The following TMEM143 variants were observed in gnomAD, a reference collection of about 807,000 sequenced individuals.
TMEM143 encodes the protein transmembrane protein 143.
In TMEM143, 45 loss-of-function variants were observed where a neutral mutation model predicts 40.3. The observed-to-expected ratio is 1.12, with a 90% CI of 0.88 to 1.43. The LOEUF (loss-of-function observed/expected upper bound fraction) is 1.43, where lower values mean the gene tolerates loss of function less well. TMEM143 is among the 40% of genes most tolerant of loss of function. TMEM143 has a pLI of 0.00. For missense variants in TMEM143, 620 were observed against 613.4 expected (o/e 1.01, Z -0.11); for synonymous variants, 299 against 282.7 (o/e 1.06, Z -0.58).
At position 48,333,258 on chromosome 19, in the gene TMEM143, G is replaced by C; in HGVS notation, c.1341C>G (p.Ser447=). The C allele has an allele frequency of 6.6e-7, 1 of 1,516,000 alleles. No homozygotes were observed. The highest frequency in any genetic ancestry group is 1.3e-5 in the South Asian group (1 of 79,578). 93.9% of individuals were successfully genotyped at this position (1,516,000 alleles called of 1,614,324 possible). A position where few individuals can be genotyped will look rare whatever the true frequency, so the allele number is the denominator to read the frequency against. Residue 447 remains serine, a synonymous_variant, in exon 8 of 8, where the codon TCC becomes TCG. Coordinates refer to ENST00000293261, the MANE Select transcript of TMEM143 (RefSeq NM_018273.4). The surrounding 1 kb of genome is among the most constrained non-coding windows in gnomAD (Gnocchi z 4.1). Reference sequence around the variant, plus strand: ...TGCTGGGCGTGGCTTGCGGGGGCTCGGAAGTGATCGGAGCCACTGGGTCTA... The same window carrying C: ...TGCTGGGCGTGGCTTGCGGGGGCTCCGAAGTGATCGGAGCCACTGGGTCTA... The part of the protein sequence containing the change: ...PKLDPVAPIT[S]EPPQATPSSN...
At chr19:48,343,545 T>G (rs1034076134) in intron 4 of TMEM143, 94 bp from the exon 5 acceptor site, 66 of 1,444,906 alleles carry the variant, frequency 4.6e-5, no homozygotes, top group Admixed American at 7.0e-5. Context: ...CCTAAATAAT[T>G]CCCCCGTTTC....
chr19:48,334,264 G>A (rs897051143), intron 6 of TMEM143, 67 bp from the exon 7 acceptor site: 5 of 1,481,148 alleles, frequency 3.4e-6, no homozygotes, highest in Middle Eastern at 2.2e-4. Context: ...CAGCCCCCGG[G>A]GTCACCCCCG....
intron 3 of TMEM143, among the ~76,000 whole-genome samples, chr19:48,357,884 G>A (rs1484921332): frequency 6.6e-6 from 1 of 151,266 alleles, no homozygotes; most frequent in African/African-American, 2.4e-5. Context: ...AAGCTATGAG[G>A]GTGCGAAGAT....
Position 48,333,547 on chromosome 19 carries a change from C to T in TMEM143, c.1166-114G>A. The T allele has an allele frequency of 2.9e-6, 2 of 680,890 alleles. No individual in the cohort carries two copies. Among genetic ancestry groups the T allele is most frequent in the Non-Finnish European group, 4.8e-6 (2 of 413,834 alleles). 42.2% of individuals were successfully genotyped at this position (680,890 alleles called of 1,614,324 possible). A position where few individuals can be genotyped will look rare whatever the true frequency, so the allele number is the denominator to read the frequency against. On this transcript the variant is annotated intron_variant, in intron 7 of 7. Coordinates refer to ENST00000293261, the MANE Select transcript of TMEM143 (RefSeq NM_018273.4). The surrounding 1 kb of genome is among the most constrained non-coding windows in gnomAD (Gnocchi z 4.1). ...AGGAAGGGCCTGGGTTTGGGAGAAGCCTAGGAGTGATCTTGAGGCTTGGAG... is the reference window on the plus strand; with the variant it reads ...AGGAAGGGCCTGGGTTTGGGAGAAGTCTAGGAGTGATCTTGAGGCTTGGAG...
chr19:48,344,908 A>G (rs1969585472), intron 4 of TMEM143, among the ~76,000 whole-genome samples: 1 of 152,172 alleles, frequency 6.6e-6, no homozygotes, highest in African/African-American at 2.4e-5. Flanking sequence ...GGGTTTCACC[A>G]TGTTGGCCAG....
intron 3 of TMEM143, among the ~76,000 whole-genome samples, chr19:48,347,440 C>T (rs901876423): frequency 6.6e-6 from 1 of 152,062 alleles, no homozygotes; most frequent in Non-Finnish European, 1.5e-5. Context: ...AAGGCCGGCA[C>T]AGTGGCTCAC....
chr19:48,349,193 AAAC>A (rs1480698838), intron 3 of TMEM143, among the ~76,000 whole-genome samples: 4 of 151,572 alleles, frequency 2.6e-5, no homozygotes, highest in Non-Finnish European at 5.9e-5. Context: ...CCTGTCTTCA[AAAC>A]AACAACAACG....
chr19:48,363,877 AT>A lies in TMEM143; in HGVS notation c.23+20del, dbSNP rs756518010. ...CAGGGCCGCCCTCCCTGGCCATGCA[AT>A]CCCCCGATTTCTCCCTCACCTTAGC... On this transcript the variant is annotated intron_variant, in intron 1 of 7. Coordinates refer to ENST00000293261, the MANE Select transcript of TMEM143 (RefSeq NM_018273.4). 2 of 1,613,880 alleles carry A rather than the reference AT, an allele frequency of 1.2e-6. No individual in the cohort carries two copies. Among genetic ancestry groups the A allele is most frequent in the South Asian group, 2.2e-5 (2 of 91,066 alleles).
Position 48,345,445 on chromosome 19 carries a change from CATTTATTTATTTATTT to C in TMEM143, c.370-107_370-92del, listed in dbSNP as rs146325765. On this transcript the variant is annotated intron_variant, in intron 3 of 7. Coordinates refer to ENST00000293261, the MANE Select transcript of TMEM143 (RefSeq NM_018273.4). ...AAGGACATCCCTCTCCAGATACTTT[CATTTATTTATTTATTT>C]ATTTATTTATTTTATTGAGATAGAG... The C allele has an allele frequency of 4.7e-6, 3 of 640,678 alleles. No individual in the cohort carries two copies. The East Asian group carries it at 1.2e-4, about 26-fold the overall frequency. The allele number at this position is 640,678 out of a possible 1,614,324, so 39.7% of individuals were successfully genotyped here.
At chr19:48,334,685 C>T (rs546206900) in intron 6 of TMEM143, among the ~76,000 whole-genome samples, 53 of 151,258 alleles carry the variant, frequency 3.5e-4, no homozygotes, top group African/African-American at 1.3e-3. Context: ...TTTGAACTCC[C>T]GGGCTCAAGC....
At chr19:48,339,719 T>C (rs1969447062) in intron 6 of TMEM143, among the ~76,000 whole-genome samples, 1 of 151,980 alleles carries the variant, frequency 6.6e-6, no homozygotes. Flanking sequence ...AACTGTTTTT[T>C]TGTTTCTTTG....
Position 48,363,376 on chromosome 19 carries a change from G to C in TMEM143, c.179C>G (p.Pro60Arg), listed in dbSNP as rs1477691947. 5.6e-6 allele frequency: 9 copies of C among 1,614,196 alleles called. No homozygotes were observed. The highest frequency in any genetic ancestry group is 7.6e-6 in the Non-Finnish European group (9 of 1,180,026). ...KMGEYRKMWN[P>R]REPRDWAQQY... is the part of the protein sequence containing the mutation. ...CTGGGCCCAGTCGCGGGGCTCCCTG[G>C]GGTTCCACATCTTGCGATACTCCCC... Residue 60 changes from proline to arginine, a missense_variant, in exon 2 of 8, where the codon CCC (proline) becomes CGC (arginine). Transcript: ENST00000293261.
chr19:48,348,746 T>C (rs1255361752), intron 3 of TMEM143, among the ~76,000 whole-genome samples: 2 of 152,146 alleles, frequency 1.3e-5, no homozygotes, highest in African/African-American at 4.8e-5. Flanking sequence ...GAATGACACA[T>C]TTGACCATGT....
chr19:48,363,409 G>T lies in TMEM143; in HGVS notation c.146C>A (p.Ala49Asp). 2 of 1,614,190 alleles carry T rather than the reference G, an allele frequency of 1.2e-6. No homozygotes were observed. The highest frequency in any genetic ancestry group is 1.7e-6 in the Non-Finnish European group (2 of 1,180,036). ...GPPRALSSLA[A>D]KMGEYRKMWN... ...CATCTTGCGATACTCCCCCATTTTG[G>T]CTGCCAGCGATGAGAGGGCCCGGGG... The change falls in exon 2 of 8, where the codon GCC (alanine) becomes GAC (aspartate). Residue 49 changes from alanine (A) to aspartate (D), a missense_variant. By Grantham distance (126) the Ala-to-Asp change is moderately radical (BLOSUM62 -2). Coordinates refer to ENST00000293261, the MANE Select transcript of TMEM143 (RefSeq NM_018273.4).
intron 3 of TMEM143, among the ~76,000 whole-genome samples, chr19:48,358,565 A>G (rs887383480): frequency 6.6e-6 from 1 of 151,968 alleles, no homozygotes; most frequent in Non-Finnish European, 1.5e-5. Context: ...GAACTGCTGG[A>G]GACGCACCCC....
At chr19:48,348,982 C>G (rs553279919) in intron 3 of TMEM143, among the ~76,000 whole-genome samples, 1 of 152,062 alleles carries the variant, frequency 6.6e-6, no homozygotes, top group African/African-American at 2.4e-5. Flanking sequence ...TTGAAACCAG[C>G]CTGGGCAACA....
chr19:48,334,102 C>T lies in TMEM143; in HGVS notation c.1071G>A (p.Leu357=), dbSNP rs757735533. The change falls in exon 7 of 8, where the codon CTG becomes CTA. Residue 357 remains leucine (L), a synonymous_variant. Transcript: ENST00000293261. ...TSNNSELLSA[L]ALRAQDEHTK... is the part of the protein sequence containing the mutation. ...TGTGCTCGTCCTGCGCGCGCAGGGC[C>T]AGGGCGCTGAGCAGCTCCGAGTTGT... 6.3e-7 allele frequency: 1 copy of T among 1,598,254 alleles called. No homozygotes were observed. The highest frequency in any genetic ancestry group is 8.5e-7 in the Non-Finnish European group (1 of 1,173,574).
intron 3 of TMEM143, among the ~76,000 whole-genome samples, chr19:48,359,270 ACCCT>A (rs1379144604): frequency 2.0e-5 from 3 of 147,144 alleles, no homozygotes; most frequent in Non-Finnish European, 3.0e-5. Context: ...CTCATATCCC[ACCCT>A]CCCCGCACAT....
In TMEM143 at chr19:48,332,890, C is replaced by T. The variant is rs1028446221; in HGVS notation, c.*329G>A. 4.8e-6 allele frequency: 1 copy of T among 207,684 alleles called. No individual in the cohort carries two copies. The highest frequency in any genetic ancestry group is 9.6e-6 in the Non-Finnish European group (1 of 104,594). 12.9% of individuals were successfully genotyped at this position (207,684 alleles called of 1,614,324 possible). A position where few individuals can be genotyped will look rare whatever the true frequency, so the allele number is the denominator to read the frequency against. ...CTTCTACCTGGCGGTTTACAGAAGC[C>T]AGAGCTGAGCAGCTGTGATTGGCAG... is the stretch of plus-strand genomic sequence containing the variant. On this transcript the variant is annotated 3_prime_UTR_variant, in exon 8 of 8. Transcript: ENST00000293261.
Sources: allele counts gnomAD v4.1 joint callset (sites outside exome capture counted in the v4.1 genomes callset), GRCh38; gene constraint gnomAD v4.1.1; non-coding constraint Gnocchi (gnomAD v3.1); transcripts MANE v1.5; gene names NCBI Gene and HGNC (gene_info 2026-07-23, HGNC 2026-07-21).